The following LAMA2 variants were observed in gnomAD, a reference collection of about 807,000 sequenced individuals.
The protein encoded by LAMA2 is laminin subunit alpha 2, also known as laminin subunit alpha-2.
Under a neutral mutation model 364.8 loss-of-function variants are expected in LAMA2, and 269 were observed. The observed-to-expected ratio is 0.74, with a 90% confidence interval of 0.67 to 0.82. The LOEUF is 0.82. Among genes scored for constraint, LAMA2 ranks in the 40% least tolerant of loss-of-function variants. The pLI is 0.00. For missense variants in LAMA2, 3,807 were observed against 3,873.2 expected (o/e 0.98, Z 0.45); for synonymous variants, 1,379 against 1,370.6 (o/e 1.01, Z -0.14).
At chr6:129,428,740 C>T (rs547441321) in intron 41 of LAMA2, among the ~76,000 whole-genome samples, 5 of 152,218 alleles carry the variant, frequency 3.3e-5, no homozygotes, top group African/African-American at 4.8e-5. Flanking sequence ...CCACCGTGCC[C>T]GGCCCTAAAT....
At chr6:129,513,631 G>A (rs1786782198) in intron 63 of LAMA2, among the ~76,000 whole-genome samples, 1 of 152,078 alleles carries the variant, frequency 6.6e-6, no homozygotes, top group African/African-American at 2.4e-5. Flanking sequence ...TTGCCAAACT[G>A]ACTAATGTTT....
At chr6:129,267,366 C>A in intron 16 of LAMA2, 147 bp downstream of exon 16, 2 of 715,898 alleles carry the variant, frequency 2.8e-6, no homozygotes, top group African/African-American at 1.7e-5. Context: ...TGAATTGGAA[C>A]TGAGAATGCT....
intron 3 of LAMA2, among the ~76,000 whole-genome samples, chr6:129,071,514 TC>T (rs1437334016): frequency 1.3e-5 from 2 of 152,158 alleles, no homozygotes; most frequent in Admixed American, 1.3e-4. Context: ...ATATTTCAGT[TC>T]TTTTTTCCTA....
intron 12 of LAMA2, among the ~76,000 whole-genome samples, chr6:129,219,491 G>A (rs1323808436): frequency 6.6e-6 from 1 of 151,466 alleles, no homozygotes; most frequent in African/African-American, 2.4e-5. Flanking sequence ...GTACCCAAAG[G>A]ACTATAAATC....
At position 129,491,919 on chromosome 6, in the gene LAMA2, G is replaced by A. The variant is rs1176127427; in HGVS notation, c.7917G>A (p.Val2639=). The A allele has an allele frequency of 6.2e-7, 1 of 1,612,394 alleles. No individual in the cohort carries two copies. The highest frequency in any genetic ancestry group is 2.2e-5 in the East Asian group (1 of 44,846). ...ERTRGIFTVQ[V]DENRRYMQNL... ...TTATCAGCATCTTTACAGTTCAAGTGGATGAAAACAGAAGATACATGCAAA... is the reference window on the plus strand; with the variant it reads ...TTATCAGCATCTTTACAGTTCAAGTAGATGAAAACAGAAGATACATGCAAA... Residue 2639 remains valine, a synonymous_variant, in exon 57 of 65, where the codon GTG becomes GTA. Transcript: ENST00000421865.
At chr6:129,357,014 T>A (rs892281376) in intron 32 of LAMA2, among the ~76,000 whole-genome samples, 25 of 152,046 alleles carry the variant, frequency 1.6e-4, no homozygotes, top group Non-Finnish European at 3.4e-4. Context: ...AGTTGGTGAG[T>A]TCTGAAGAGA....
At chr6:129,073,170 C>T (rs1773428772) in intron 3 of LAMA2, among the ~76,000 whole-genome samples, 1 of 151,702 alleles carries the variant, frequency 6.6e-6, no homozygotes, top group South Asian at 2.1e-4. Context: ...TGTTTTTTTC[C>T]AGCACTCTAA....
intron 17 of LAMA2, among the ~76,000 whole-genome samples, chr6:129,279,005 G>A (rs1788519678): frequency 6.6e-6 from 1 of 152,108 alleles, no homozygotes; most frequent in Non-Finnish European, 1.5e-5. Context: ...ATCAAATCAG[G>A]ACTTGGAATG....
intron 58 of LAMA2, among the ~76,000 whole-genome samples, chr6:129,495,188 T>TC (rs1452689799): frequency 6.6e-6 from 1 of 152,068 alleles, no homozygotes; most frequent in East Asian, 1.9e-4. Flanking sequence ...TAAAACTGAG[T>TC]CCCTAAAACT....
chr6:129,272,453 T>C (rs1041703146), intron 17 of LAMA2, among the ~76,000 whole-genome samples: 5 of 152,180 alleles, frequency 3.3e-5, no homozygotes, highest in African/African-American at 4.8e-5. Flanking sequence ...GAGCTGATTG[T>C]TATTAACCTG....
rs556880008 is a variant in LAMA2, at chr6:129,039,993, A to G, written c.113-9925A>G. The stretch of plus-strand genomic sequence containing the variant: ...TGTAAAGTAAGGTTAGGATATCTGA[A>G]TATAAATGTTGATGTGTTTGTGTGG... On this transcript the variant is annotated intron_variant, in intron 1 of 64. Coordinates refer to ENST00000421865, the MANE Select transcript of LAMA2 (RefSeq NM_000426.4). Among the ~76,000 whole-genome samples, 8 of 152,330 alleles carry G rather than the reference A, an allele frequency of 5.3e-5. No individual in the cohort carries two copies. In the South Asian group the frequency reaches 1.7e-3, roughly 32 times the overall value.
intron 12 of LAMA2, among the ~76,000 whole-genome samples, chr6:129,223,302 C>A (rs908662445): frequency 5.9e-5 from 9 of 151,934 alleles, no homozygotes; most frequent in African/African-American, 1.9e-4. Context: ...TGCCTGTTCA[C>A]TCTGATGGTA....
At chr6:129,442,313 C>CT in intron 43 of LAMA2, 2 of 870,818 alleles carry the variant, frequency 2.3e-6, no homozygotes, top group South Asian at 5.0e-5. Flanking sequence ...ATAACATAAA[C>CT]TTCAGAGCCA....
At chr6:129,361,424 T>G (rs1777452705) in intron 32 of LAMA2, among the ~76,000 whole-genome samples, 1 of 152,236 alleles carries the variant, frequency 6.6e-6, no homozygotes, top group African/African-American at 2.4e-5. Context: ...TTTAGTAGCT[T>G]AAAACAACAA....
chr6:129,080,318 GAA>G (rs1410477157), intron 3 of LAMA2, among the ~76,000 whole-genome samples: 1 of 152,108 alleles, frequency 6.6e-6, no homozygotes, highest in African/African-American at 2.4e-5. Context: ...CAGATGACCT[GAA>G]CCTTAGAGTA....
intron 51 of LAMA2, among the ~76,000 whole-genome samples, chr6:129,467,006 G>A (rs1467698572): frequency 1.3e-5 from 2 of 151,910 alleles, no homozygotes; most frequent in East Asian, 1.9e-4. Flanking sequence ...TGAGCCTAGT[G>A]TCTCCCCACC....
intron 31 of LAMA2, among the ~76,000 whole-genome samples, chr6:129,350,885 C>A (rs1365645380): frequency 6.6e-6 from 1 of 152,144 alleles, no homozygotes; most frequent in African/African-American, 2.4e-5. Context: ...TAACTCTAAA[C>A]ACAGTATCCA....
At chr6:129,325,792 C>T (rs1450251722) in intron 28 of LAMA2, among the ~76,000 whole-genome samples, 1 of 152,074 alleles carries the variant, frequency 6.6e-6, no homozygotes, top group East Asian at 1.9e-4. Context: ...ATCAAGGCTT[C>T]CCTATTCATT....
At chr6:128,913,135 T>G (rs1035365158) in intron 1 of LAMA2, among the ~76,000 whole-genome samples, 1 of 152,194 alleles carries the variant, frequency 6.6e-6, no homozygotes, top group East Asian at 1.9e-4. Context: ...AAAGTGAAGA[T>G]GGGGTCTGCT....
Sources: gnomAD v4.1 joint callset for allele counts (sites outside exome capture counted in the v4.1 genomes callset) on GRCh38, gnomAD v4.1.1 for gene constraint, MANE v1.5 for transcripts, NCBI Gene and HGNC (gene_info 2026-07-23, HGNC 2026-07-21) for gene names.